Variants in RAD21L1 observed in about 807,000 individuals in gnomAD.
RAD21L1 encodes double-strand-break repair protein rad21-like protein 1.
RAD21L1 carries 47 observed loss-of-function variants against 69.0 expected under a neutral mutation model. The ratio of observed to expected loss-of-function variants is 0.68; its 90% CI spans 0.54 to 0.87. The LOEUF (loss-of-function observed/expected upper bound fraction) is 0.87, where lower values mean the gene tolerates loss of function less well. Among genes scored for constraint, RAD21L1 ranks in the 40% least tolerant of loss-of-function variants. The probability of loss-of-function intolerance (pLI) is 0.00; values close to 1 mark genes in which losing one functional copy is unlikely to be tolerated. For synonymous variants in RAD21L1, 177 were observed against 205.8 expected (o/e 0.86, Z 1.20); for missense variants, 583 against 647.6 (o/e 0.90, Z 1.08).
chr20:1,242,807 A>C lies in RAD21L1; in HGVS notation c.1045A>C (p.Thr349Pro). ...GGGAGGAGTGCATACACTTCTGTCA[A>C]CTGCTGCCCAGGATTTGATTCATGC... ...KRGGVHTLLSTAAQDLIHAEL... is the reference protein window; with the variant it reads ...KRGGVHTLLSPAAQDLIHAEL... The change falls in exon 9 of 14, where the codon ACT (threonine) becomes CCT (proline). Residue 349 changes from threonine to proline, a missense_variant. Coordinates refer to ENST00000683101, the MANE Select transcript of RAD21L1 (RefSeq NM_001384355.1). The C allele has an allele frequency of 6.4e-7, 1 of 1,551,552 alleles. No homozygotes were observed. The highest frequency in any genetic ancestry group is 1.4e-5 in the African/African-American group (1 of 73,140).
At position 1,242,861 on chromosome 20, in the gene RAD21L1, C is replaced by G. The variant is rs776734799; in HGVS notation, c.1083+16C>G. 32 of 1,478,490 alleles carry G rather than the reference C, an allele frequency of 2.2e-5. No individual in the cohort carries two copies. The highest frequency in any genetic ancestry group is 3.0e-5 in the Non-Finnish European group (32 of 1,080,612). The allele number at this position is 1,478,490 out of a possible 1,614,324, so 91.6% of individuals were successfully genotyped here. ...ACTGAAAATGGTAACGGTTCCTACC[C>G]TTCTACATGTGAGCAATGTCTGGTT... On this transcript the variant is annotated intron_variant, in intron 9 of 13. Transcript: ENST00000683101.
intron 4 of RAD21L1, 66 bp downstream of exon 4, chr20:1,231,685 A>C: frequency 1.3e-6 from 1 of 795,684 alleles, no homozygotes; most frequent in South Asian, 1.7e-5. Context: ...ATTCAAATTT[A>C]ATTGAGTCAA....
At chr20:1,243,034 G>C in intron 9 of RAD21L1, 63 bp from the exon 10 acceptor site, 1 of 1,062,990 alleles carries the variant, frequency 9.4e-7, no homozygotes, top group South Asian at 1.6e-5. Flanking sequence ...ATATGTGCTT[G>C]TGTTTTCTTG....
At chr20:1,236,060 G>T (rs8124244) in intron 5 of RAD21L1, among the ~76,000 whole-genome samples, 7,650 of 152,218 alleles carry the variant, frequency 0.05, 245 homozygotes, top group South Asian at 0.096. Flanking sequence ...GACCTACCGT[G>T]CCCGGCCAGG....
rs1795664375 is a variant in RAD21L1 at position 1,243,085 on chromosome 20, G to A, written c.1084-12G>A. 2.7e-6 allele frequency: 4 copies of A among 1,474,768 alleles called. No homozygotes were observed. Among genetic ancestry groups the A allele is most frequent in the African/African-American group, 1.4e-5 (1 of 69,996 alleles). The allele number at this position is 1,474,768 out of a possible 1,614,324, so 91.4% of individuals were successfully genotyped here. A position where few individuals can be genotyped will look rare whatever the true frequency, so the allele number is the denominator to read the frequency against. ...ACAAAAACAAAAAAAACAAAAATGT[G>A]TATTTTTACAGTTGTTTACAAAATG... is the stretch of plus-strand genomic sequence containing the variant. On this transcript the variant is annotated splice_polypyrimidine_tract_variant and intron_variant, in intron 9 of 13. Transcript: ENST00000683101.
chr20:1,248,399 T>C (rs2087759648), intron 12 of RAD21L1, among the ~76,000 whole-genome samples: 1 of 152,134 alleles, frequency 6.6e-6, no homozygotes, highest in Admixed American at 6.6e-5. Context: ...TTTTGGAGCC[T>C]CTTATCAGAA....
Position 1,248,623 on chromosome 20 carries a change from C to T in RAD21L1, c.1402-3C>T, listed in dbSNP as rs371616727. 1 of 1,493,570 alleles carries T rather than the reference C, an allele frequency of 6.7e-7. No homozygotes were observed. The highest frequency in any genetic ancestry group is 9.1e-7 in the Non-Finnish European group (1 of 1,102,366). 92.5% of individuals were successfully genotyped at this position (1,493,570 alleles called of 1,614,324 possible). ...TTAAATATTTTATCTATCATTCAAA[C>T]AGGAGTCATTGAGCAATGAAGAAAA... On this transcript the variant is annotated splice_region_variant and splice_polypyrimidine_tract_variant and intron_variant, in intron 12 of 13. Transcript: ENST00000683101.
intron 6 of RAD21L1, 60 bp downstream of exon 6, chr20:1,238,274 TTAG>T (rs1191204546): frequency 8.0e-6 from 9 of 1,123,808 alleles, no homozygotes; most frequent in Non-Finnish European, 1.1e-5. Context: ...CTACAATATA[TTAG>T]TAGATTTATT....
intron 6 of RAD21L1, 32 bp downstream of exon 6, chr20:1,238,246 T>C: frequency 7.4e-7 from 1 of 1,359,142 alleles, no homozygotes; most frequent in Non-Finnish European, 9.8e-7. Context: ...AAATAAAATA[T>C]TTATTTTCAT....
chr20:1,247,506 G>A (rs942906889), intron 12 of RAD21L1, among the ~76,000 whole-genome samples: 1 of 152,032 alleles, frequency 6.6e-6, no homozygotes, highest in Non-Finnish European at 1.5e-5. Flanking sequence ...TGTAGCTGAA[G>A]GGATTTAGAA....
intron 10 of RAD21L1, 108 bp from the exon 11 acceptor site, chr20:1,243,938 C>A: frequency 1.1e-6 from 1 of 945,296 alleles, no homozygotes; most frequent in Non-Finnish European, 1.6e-6. Flanking sequence ...TGCTTAAATT[C>A]TTGGATCCCA....
chr20:1,234,144 T>G lies in RAD21L1; in HGVS notation c.428T>G (p.Leu143Arg). The G allele has an allele frequency of 1.3e-6, 2 of 1,545,770 alleles. No individual in the cohort carries two copies. Among genetic ancestry groups the G allele is most frequent in the Non-Finnish European group, 1.8e-6 (2 of 1,142,112 alleles). Reference sequence around the variant, plus strand: ...CAAAGCAGACCAGAAGAAATCACTCTTAGAGAAAATTTTGACAATGATCTA... The same window carrying G: ...CAAAGCAGACCAGAAGAAATCACTCGTAGAGAAAATTTTGACAATGATCTA... ...QNQSRPEEIT[L>R]RENFDNDLIF... The change falls in exon 5 of 14, where the codon CTT becomes CGT. Residue 143 changes from leucine to arginine, a missense_variant. Transcript: ENST00000683101.
chr20:1,250,994 T>C (rs1201026597), intron 13 of RAD21L1, among the ~76,000 whole-genome samples: 3 of 152,186 alleles, frequency 2.0e-5, no homozygotes, highest in Non-Finnish European at 4.4e-5. Context: ...TTTGTCTCTT[T>C]CCTGTATATA....
chr20:1,236,988 T>C (rs1388627804), intron 5 of RAD21L1, among the ~76,000 whole-genome samples: 1 of 152,234 alleles, frequency 6.6e-6, no homozygotes, highest in Non-Finnish European at 1.5e-5. Context: ...TATGAATACA[T>C]TCTTAGTTTT....
chr20:1,242,342 C>T (rs1360128292), intron 8 of RAD21L1, among the ~76,000 whole-genome samples: 1 of 152,192 alleles, frequency 6.6e-6, no homozygotes, highest in Admixed American at 6.5e-5. Context: ...AAGGGATCCA[C>T]CCATCTCAGC....
At chr20:1,240,287 T>C in intron 7 of RAD21L1, 34 bp from the exon 8 acceptor site, 1 of 1,514,316 alleles carries the variant, frequency 6.6e-7, no homozygotes, top group Non-Finnish European at 8.8e-7. Context: ...TAACTGGTTT[T>C]TTTTACAATT....
At chr20:1,237,554 A>G (rs2087525740) in intron 5 of RAD21L1, among the ~76,000 whole-genome samples, 1 of 149,744 alleles carries the variant, frequency 6.7e-6, no homozygotes, top group Non-Finnish European at 1.5e-5. Context: ...GCCTCCTAGC[A>G]TATTCGATAT....
chr20:1,248,198 A>G (rs371830601), intron 12 of RAD21L1, among the ~76,000 whole-genome samples: 12 of 152,044 alleles, frequency 7.9e-5, no homozygotes, highest in African/African-American at 2.7e-4. Context: ...TAGAGCTTCC[A>G]TTACCAGATA....
intron 8 of RAD21L1, 23 bp from the exon 9 acceptor site, chr20:1,242,596 T>A: frequency 6.7e-7 from 1 of 1,489,310 alleles, no homozygotes; most frequent in Non-Finnish European, 9.2e-7. Context: ...ACCAATCACA[T>A]TTGTGCTATT....
Sources: allele counts gnomAD v4.1 joint callset (sites outside exome capture counted in the v4.1 genomes callset), GRCh38; gene constraint gnomAD v4.1.1; transcripts MANE v1.5; gene names NCBI Gene and HGNC (gene_info 2026-07-23, HGNC 2026-07-21).